CAMK2D: variants seen among roughly 807,000 people sequenced by gnomAD.
CAMK2D encodes calcium/calmodulin dependent protein kinase II delta.
In CAMK2D, 37 loss-of-function variants were observed where a neutral mutation model predicts 84.0. That is an observed-to-expected ratio of 0.44 (90% CI 0.34 to 0.58). The LOEUF (loss-of-function observed/expected upper bound fraction) is 0.58. CAMK2D is among the 20% of genes least tolerant of loss of function. CAMK2D has a pLI of 0.02. For missense variants in CAMK2D, 448 were observed against 652.5 expected (o/e 0.69, Z 3.41); for synonymous variants, 202 against 212.5 (o/e 0.95, Z 0.43).
chr4:113,607,011 A>G (rs529260991), intron 4 of CAMK2D, among the ~76,000 whole-genome samples: 1 of 152,300 alleles, frequency 6.6e-6, no homozygotes, highest in South Asian at 2.1e-4. Context: ...AGAACTCTCA[A>G]CCTGGATTCT....
Position 113,552,417 on chromosome 4 carries a change from T to C in CAMK2D, c.276-321A>G, listed in dbSNP as rs144416022. ...TATCTGACAAAATTTTGGCACAGTT[T>C]AGAAACACTTTCTGAACAAAAGGAG... On this transcript the variant is annotated intron_variant, in intron 4 of 20. Transcript: ENST00000511664. Among the ~76,000 whole-genome samples the C allele has an allele frequency of 2.3e-3, 347 of 152,338 alleles. 1 individual carries two copies. Among genetic ancestry groups the C allele is most frequent in the African/African-American group, 8.0e-3 (332 of 41,592 alleles).
chr4:113,715,147 C>T (rs539619512), intron 2 of CAMK2D, among the ~76,000 whole-genome samples: 5 of 152,054 alleles, frequency 3.3e-5, no homozygotes, highest in Admixed American at 2.0e-4. Flanking sequence ...AATTACCCTT[C>T]GTAACTGTAT....
At chr4:113,674,394 G>A (rs1441696067) in intron 2 of CAMK2D, among the ~76,000 whole-genome samples, 1 of 152,088 alleles carries the variant, frequency 6.6e-6, no homozygotes, top group Non-Finnish European at 1.5e-5. Context: ...TCTGTCTCAG[G>A]TAAGTACTGC....
intron 7 of CAMK2D, among the ~76,000 whole-genome samples, chr4:113,535,811 C>T (rs1252102059): frequency 1.3e-5 from 2 of 152,178 alleles, no homozygotes; most frequent in African/African-American, 4.8e-5. Context: ...TTTGTACTTC[C>T]TGTCTTGTGT....
At chr4:113,494,486 A>C (rs1202705129) in intron 16 of CAMK2D, among the ~76,000 whole-genome samples, 1 of 152,176 alleles carries the variant, frequency 6.6e-6, no homozygotes, top group African/African-American at 2.4e-5. Flanking sequence ...TTGAGGAGGC[A>C]GTCTGCCTGT....
chr4:113,475,857 T>C (rs1160949169), intron 16 of CAMK2D, among the ~76,000 whole-genome samples: 1 of 152,160 alleles, frequency 6.6e-6, no homozygotes, highest in African/African-American at 2.4e-5. Context: ...ATCCAGTCCA[T>C]AGCTCCCTGA....
chr4:113,700,372 T>C (rs1314053544), intron 2 of CAMK2D, among the ~76,000 whole-genome samples: 1 of 152,188 alleles, frequency 6.6e-6, no homozygotes, highest in Non-Finnish European at 1.5e-5. Context: ...AATATTTATT[T>C]CTTGTTCAGT....
chr4:113,727,598 A>G (rs2099550074), intron 2 of CAMK2D, among the ~76,000 whole-genome samples: 1 of 152,222 alleles, frequency 6.6e-6, no homozygotes, highest in Non-Finnish European at 1.5e-5. Flanking sequence ...AATTCTTTGT[A>G]ACTATGAAGC....
chr4:113,575,893 T>C (rs1349394064), intron 4 of CAMK2D, among the ~76,000 whole-genome samples: 1 of 152,182 alleles, frequency 6.6e-6, no homozygotes, highest in African/African-American at 2.4e-5. Flanking sequence ...TAAAGTTTTT[T>C]TTTGCTTACT....
At chr4:113,680,129 A>AT (rs1353825585) in intron 2 of CAMK2D, among the ~76,000 whole-genome samples, 1 of 152,056 alleles carries the variant, frequency 6.6e-6, no homozygotes, top group Non-Finnish European at 1.5e-5. Flanking sequence ...CCAGTCACAA[A>AT]TTTTTTCACA....
intron 16 of CAMK2D, among the ~76,000 whole-genome samples, chr4:113,477,074 G>C (rs915227383): frequency 6.6e-6 from 1 of 152,106 alleles, no homozygotes; most frequent in Non-Finnish European, 1.5e-5. Flanking sequence ...TGGATGCCCT[G>C]CAATAACTAA....
chr4:113,565,360 C>A (rs924805222), intron 4 of CAMK2D, among the ~76,000 whole-genome samples: 1 of 151,324 alleles, frequency 6.6e-6, no homozygotes, highest in African/African-American at 2.4e-5. Flanking sequence ...ACGCAGAAGT[C>A]AAAAAAAAGG....
Position 113,591,512 on chromosome 4 carries a change from A to G in CAMK2D, c.275+17640T>C, listed in dbSNP as rs189438103. ...ACTAGCATCTCTCACTAGGATGCCA[A>G]TGTTCTCCAACTTGTAGCTAGAATG... On this transcript the variant is annotated intron_variant, in intron 4 of 20. Transcript: ENST00000511664. Among the ~76,000 whole-genome samples, 44 of 152,318 alleles carry G rather than the reference A, an allele frequency of 2.9e-4. No homozygotes were observed. In the South Asian group the frequency reaches 4.3e-3, roughly 15 times the overall value.
At chr4:113,551,800 AG>A (rs1417448339) in intron 5 of CAMK2D, among the ~76,000 whole-genome samples, 2 of 152,142 alleles carry the variant, frequency 1.3e-5, no homozygotes, top group Non-Finnish European at 2.9e-5. Context: ...CATTCCAATT[AG>A]GTGGGGTGTT....
intron 8 of CAMK2D, among the ~76,000 whole-genome samples, chr4:113,526,414 A>ATATGTGTG (rs1553930374): frequency 0.049 from 7,391 of 149,604 alleles, 355 homozygotes; most frequent in African/African-American, 0.12. Flanking sequence ...GTCATTCTTG[A>ATATGTGTG]TGTGTGTGTG....
chr4:113,745,768 G>A (rs1419303444), intron 2 of CAMK2D, among the ~76,000 whole-genome samples: 1 of 152,144 alleles, frequency 6.6e-6, no homozygotes, highest in Non-Finnish European at 1.5e-5. Context: ...TATAGGAATA[G>A]GATTTCTGAC....
At chr4:113,729,426 G>A (rs1296598853) in intron 2 of CAMK2D, among the ~76,000 whole-genome samples, 1 of 152,104 alleles carries the variant, frequency 6.6e-6, no homozygotes, top group Admixed American at 6.6e-5. Flanking sequence ...GAACTACACT[G>A]GGCCTTTCCT....
intron 17 of CAMK2D, among the ~76,000 whole-genome samples, chr4:113,461,564 C>A (rs554962514): frequency 6.6e-6 from 1 of 152,128 alleles, no homozygotes; most frequent in Admixed American, 6.5e-5. Flanking sequence ...GTGTGTAAGG[C>A]CCCTGGAAAT....
In CAMK2D at chr4:113,601,099, T is replaced by A. The variant is rs899134162; in HGVS notation, c.275+8053A>T. ...TTATCACGAAGAACCTACCTCCTTC[T>A]GTAGGTTGTAACTAAAGAGTCTTTA... On this transcript the variant is annotated intron_variant, in intron 4 of 20. Coordinates refer to ENST00000511664, the MANE Select transcript of CAMK2D (RefSeq NM_001321571.2). Among the ~76,000 whole-genome samples the A allele has an allele frequency of 2.6e-5, 4 of 152,368 alleles. No homozygotes were observed. The East Asian group carries it at 7.7e-4, about 29-fold the overall frequency.
Sources: gnomAD v4.1 joint callset for allele counts (sites outside exome capture counted in the v4.1 genomes callset) on GRCh38, gnomAD v4.1.1 for gene constraint, MANE v1.5 for transcripts, NCBI Gene and HGNC (gene_info 2026-07-23, HGNC 2026-07-21) for gene names.